ARL15: variants seen among roughly 807,000 people sequenced by gnomAD.
ARL15 encodes the protein ADP-ribosylation factor-like protein 15.
In ARL15, 19 loss-of-function variants were observed where a neutral mutation model predicts 25.2. That is an observed-to-expected ratio of 0.75 (90% CI 0.53 to 1.10). The LOEUF (loss-of-function observed/expected upper bound fraction) is 1.10. Among genes scored for constraint, ARL15 ranks in the 50% least tolerant of loss-of-function variants. The pLI is 0.00. For missense variants in ARL15, 220 were observed against 246.0 expected (o/e 0.89, Z 0.71); for synonymous variants, 94 against 86.8 (o/e 1.08, Z -0.46).
chr5:53,988,663 T>A (rs187533813), intron 4 of ARL15, among the ~76,000 whole-genome samples: 34 of 152,304 alleles, frequency 2.2e-4, no homozygotes, highest in Admixed American at 7.8e-4. Flanking sequence ...TTTTACAGCA[T>A]ACTGTTTATC....
rs142775544 is a variant in ARL15, at chr5:53,889,307, T to A, written c.463-2594A>T. Among the ~76,000 whole-genome samples, 46 of 152,358 alleles carry A rather than the reference T, an allele frequency of 3.0e-4. No individual in the cohort carries two copies. The East Asian group carries it at 8.7e-3, about 29-fold the overall frequency. The stretch of plus-strand genomic sequence containing the variant: ...GTAATATGTGATATTTTACAATACC[T>A]ACCAGACATAAAACAGTGAAGTTCA... On this transcript the variant is annotated intron_variant, in intron 4 of 4. Transcript: ENST00000504924.
At chr5:53,920,925 G>A (rs191310854) in intron 4 of ARL15, among the ~76,000 whole-genome samples, 14 of 152,044 alleles carry the variant, frequency 9.2e-5, no homozygotes, top group African/African-American at 1.2e-4. Context: ...CTTTTTGTGC[G>A]CACAGTCCTT....
chr5:54,193,374 C>G (rs1407061686), intron 1 of ARL15, among the ~76,000 whole-genome samples: 1 of 152,148 alleles, frequency 6.6e-6, no homozygotes, highest in African/African-American at 2.4e-5. Context: ...AACCCCCAGG[C>G]AGTGAACCGG....
chr5:54,288,858 G>A (rs1758248065), intron 1 of ARL15, among the ~76,000 whole-genome samples: 1 of 152,116 alleles, frequency 6.6e-6, no homozygotes, highest in Non-Finnish European at 1.5e-5. Context: ...AATAAAAACT[G>A]AATATAGGCA....
At chr5:54,076,002 A>G (rs1351013841) in intron 4 of ARL15, among the ~76,000 whole-genome samples, 1 of 152,168 alleles carries the variant, frequency 6.6e-6, no homozygotes, top group East Asian at 1.9e-4. Context: ...TAAATTATGT[A>G]TCTGAATAAG....
At chr5:54,143,845 C>T (rs1287135720) in intron 3 of ARL15, among the ~76,000 whole-genome samples, 8 of 151,992 alleles carry the variant, frequency 5.3e-5, no homozygotes, top group Admixed American at 3.3e-4. Flanking sequence ...GGTAAACTTT[C>T]AAAACTTTCT....
intron 4 of ARL15, among the ~76,000 whole-genome samples, chr5:53,976,476 G>T (rs372195169): frequency 3.3e-5 from 5 of 152,118 alleles, no homozygotes; most frequent in African/African-American, 1.2e-4. Flanking sequence ...TATACTAATG[G>T]ATATGGGGAG....
At chr5:54,263,818 A>C (rs916745324) in intron 1 of ARL15, among the ~76,000 whole-genome samples, 3 of 151,952 alleles carry the variant, frequency 2.0e-5, no homozygotes, top group African/African-American at 4.8e-5. Context: ...TGTATTTCCA[A>C]CATGGCACCT....
chr5:54,124,013 G>C (rs778387620), intron 3 of ARL15, among the ~76,000 whole-genome samples: 3 of 152,086 alleles, frequency 2.0e-5, no homozygotes, highest in Admixed American at 6.6e-5. Context: ...AGTTTCCCAC[G>C]AAGAACACAC....
At chr5:54,218,677 T>C (rs1452989430) in intron 1 of ARL15, among the ~76,000 whole-genome samples, 3 of 152,076 alleles carry the variant, frequency 2.0e-5, no homozygotes, top group African/African-American at 4.8e-5. Context: ...CAGAACTCAG[T>C]AAAATTCTAT....
chr5:54,237,520 G>A (rs1387927752), intron 1 of ARL15, among the ~76,000 whole-genome samples: 1 of 152,082 alleles, frequency 6.6e-6, no homozygotes. Context: ...CCAAAAAGGG[G>A]GAATACATCT....
At chr5:53,887,213 CTT>C (rs928726828) in intron 4 of ARL15, among the ~76,000 whole-genome samples, 10 of 152,156 alleles carry the variant, frequency 6.6e-5, no homozygotes, top group Non-Finnish European at 2.9e-5. Context: ...ATCTTCTTCT[CTT>C]TCTCTCTCAA....
At chr5:54,278,453 G>T (rs1347088237) in intron 1 of ARL15, among the ~76,000 whole-genome samples, 1 of 152,158 alleles carries the variant, frequency 6.6e-6, no homozygotes, top group East Asian at 1.9e-4. Flanking sequence ...ATCCAAAACA[G>T]ATCCATATAA....
intron 4 of ARL15, among the ~76,000 whole-genome samples, chr5:54,019,096 T>C (rs1201154354): frequency 6.6e-6 from 1 of 152,120 alleles, no homozygotes; most frequent in Non-Finnish European, 1.5e-5. Flanking sequence ...TTAATTTATT[T>C]ATAAAATTGA....
chr5:53,972,427 G>A (rs1275215490), intron 4 of ARL15, among the ~76,000 whole-genome samples: 1 of 152,104 alleles, frequency 6.6e-6, no homozygotes, highest in African/African-American at 2.4e-5. Flanking sequence ...AGAAAACTTG[G>A]TTTTTAAAAT....
rs190765160 is a variant in ARL15, at chr5:54,146,301, A to G, written c.253+8279T>C. ...ATCCTGTACAGAGGTTAGAGGTAGG[A>G]TCTACGATTTGTAGGGGCCAAAGCA... On this transcript the variant is annotated intron_variant, in intron 3 of 4. Coordinates refer to ENST00000504924, the MANE Select transcript of ARL15 (RefSeq NM_019087.3). Among the ~76,000 whole-genome samples the G allele has an allele frequency of 1.6e-3, 249 of 152,308 alleles. 2 individuals carry two copies. The highest frequency in any genetic ancestry group is 8.1e-3 in the Admixed American group (124 of 15,298).
chr5:54,009,084 T>G (rs1424069276), intron 4 of ARL15, among the ~76,000 whole-genome samples: 4 of 152,222 alleles, frequency 2.6e-5, no homozygotes, highest in Non-Finnish European at 4.4e-5. Flanking sequence ...TTAGAATTTG[T>G]GAAATATAAA....
intron 4 of ARL15, among the ~76,000 whole-genome samples, chr5:54,074,604 T>A (rs1751533984): frequency 6.6e-6 from 1 of 152,218 alleles, no homozygotes; most frequent in Non-Finnish European, 1.5e-5. Context: ...CTTTCCCTGA[T>A]GAAATAAATA....
chr5:54,279,773 C>T (rs1035131733), intron 1 of ARL15, among the ~76,000 whole-genome samples: 27 of 152,178 alleles, frequency 1.8e-4, no homozygotes, highest in Admixed American at 8.5e-4. Flanking sequence ...GCTAGGTATT[C>T]AAAGAGGAAT....
Sources: allele counts gnomAD v4.1 joint callset (sites outside exome capture counted in the v4.1 genomes callset), GRCh38; gene constraint gnomAD v4.1.1; transcripts MANE v1.5; gene names NCBI Gene and HGNC (gene_info 2026-07-23, HGNC 2026-07-21).